The following FRYL variants were observed in gnomAD, a reference collection of about 807,000 sequenced individuals.
FRYL encodes FRY like transcription coactivator, also known as protein furry homolog-like.
Under a neutral mutation model 351.2 loss-of-function variants are expected in FRYL, and 150 were observed. The observed-to-expected ratio is 0.43, with a 90% CI of 0.37 to 0.49. The LOEUF (loss-of-function observed/expected upper bound fraction) is 0.49, where lower values mean the gene tolerates loss of function less well. FRYL is among the 20% of genes least tolerant of loss of function. FRYL has a pLI of 0.00. For missense variants in FRYL, 3,036 were observed against 3,619.3 expected, an observed-to-expected ratio of 0.84 and a Z score of 4.13; for synonymous variants, 1,153 against 1,257.1, an observed-to-expected ratio of 0.92 and a Z score of 1.75.
intron 2 of FRYL, among the ~76,000 whole-genome samples, chr4:48,709,651 T>C (rs552943773): frequency 6.6e-6 from 1 of 152,326 alleles, no homozygotes; most frequent in East Asian, 1.9e-4. Context: ...GTTGGGATTA[T>C]GAAACCACCA....
intron 2 of FRYL, among the ~76,000 whole-genome samples, chr4:48,700,815 TA>T (rs752255645): frequency 0.011 from 1,466 of 136,320 alleles, 14 homozygotes; most frequent in African/African-American, 0.029. Flanking sequence ...AAAATTAAAT[TA>T]AAAAAAAAAA....
intron 33 of FRYL, among the ~76,000 whole-genome samples, chr4:48,561,077 A>G (rs555021777): frequency 1.1e-3 from 161 of 152,340 alleles, no homozygotes; most frequent in African/African-American, 3.6e-3. Context: ...GCTCACGGAA[A>G]ACTGCCTATA....
chr4:48,773,179 T>G lies in FRYL; in HGVS notation c.-384+6899A>C, dbSNP rs578091026. Among the ~76,000 whole-genome samples, 54 of 152,330 alleles carry G rather than the reference T, an allele frequency of 3.5e-4. 1 individual carries two copies. Among genetic ancestry groups the G allele is most frequent in the Admixed American group, 6.5e-5 (1 of 15,306 alleles). ...GGTACATATAAATTACTTATCACAC[T>G]ACTTAGCAAGTAGTCAACAGATTAT... On this transcript the variant is annotated intron_variant, in intron 1 of 63. Coordinates refer to ENST00000358350, the MANE Select transcript of FRYL (RefSeq NM_015030.2).
intron 19 of FRYL, among the ~76,000 whole-genome samples, chr4:48,583,700 C>A (rs1161394384): frequency 6.6e-6 from 1 of 151,654 alleles, no homozygotes; most frequent in Non-Finnish European, 1.5e-5. Flanking sequence ...GTCGGGAGTT[C>A]GAGACCAGCC....
chr4:48,778,067 C>A (rs1560389364), intron 1 of FRYL, among the ~76,000 whole-genome samples: 1 of 152,148 alleles, frequency 6.6e-6, no homozygotes, highest in Non-Finnish European at 1.5e-5. Flanking sequence ...CGCAGTCGTG[C>A]CCACCTGTAG....
At chr4:48,639,484 G>T (rs555953637) in intron 3 of FRYL, among the ~76,000 whole-genome samples, 11 of 6,544 alleles carry the variant, frequency 1.7e-3, no homozygotes, top group African/African-American at 3.1e-3. Flanking sequence ...AAATCCACAT[G>T]TTAAAAAAAA....
chr4:48,673,147 ATG>A lies in FRYL; in HGVS notation c.-81+11524_-81+11525del, dbSNP rs769340215. Among the ~76,000 whole-genome samples the A allele has an allele frequency of 2.4e-4, 36 of 152,164 alleles. 1 individual carries two copies. The highest frequency in any genetic ancestry group is 5.9e-4 in the Admixed American group (9 of 15,284). ...TGTAATGAAATGGAACCAATACAAT[ATG>A]TGTCTCTTGTTTTGTAAAAGTCATG... is the stretch of plus-strand genomic sequence containing the variant. On this transcript the variant is annotated intron_variant, in intron 3 of 63. Transcript: ENST00000358350.
chr4:48,499,778 G>GA (rs1303584628), intron 63 of FRYL, 98 bp from the exon 64 acceptor site: 1 of 1,123,502 alleles, frequency 8.9e-7, no homozygotes, highest in East Asian at 2.4e-5. Context: ...ATTTCCTTGT[G>GA]AATAACATGA....
chr4:48,577,369 T>C (rs1195149229), intron 23 of FRYL, among the ~76,000 whole-genome samples: 1 of 152,198 alleles, frequency 6.6e-6, no homozygotes, highest in Non-Finnish European at 1.5e-5. Flanking sequence ...ACTAGTTTTG[T>C]AATATGTTAA....
chr4:48,667,835 A>G (rs1762001774), intron 3 of FRYL, among the ~76,000 whole-genome samples: 1 of 152,192 alleles, frequency 6.6e-6, no homozygotes, highest in African/African-American at 2.4e-5. Context: ...TTTAGTAGAG[A>G]CAGGATTTCA....
At chr4:48,512,746 C>G in intron 56 of FRYL, 58 bp from the exon 57 acceptor site, 1 of 1,278,818 alleles carries the variant, frequency 7.8e-7, no homozygotes, top group Non-Finnish European at 1.1e-6. Context: ...AGAATAGGCT[C>G]AATCACGTAA....
intron 13 of FRYL, among the ~76,000 whole-genome samples, chr4:48,599,617 C>T (rs1021507947): frequency 1.3e-5 from 2 of 152,110 alleles, no homozygotes; most frequent in African/African-American, 4.8e-5. Context: ...CCTTATACTA[C>T]CTTCAGAAGT....
At chr4:48,546,320 C>T in intron 41 of FRYL, 49 bp from the exon 42 acceptor site, 2 of 1,380,036 alleles carry the variant, frequency 1.4e-6, no homozygotes, top group African/African-American at 1.4e-5. Context: ...AAGAATCTCA[C>T]AAAATACCTA....
intron 33 of FRYL, among the ~76,000 whole-genome samples, chr4:48,558,712 C>A (rs552211079): frequency 7.1e-4 from 108 of 152,242 alleles, no homozygotes; most frequent in Non-Finnish European, 2.2e-4. Flanking sequence ...AGGGGAGATG[C>A]CTATGATGTG....
intron 3 of FRYL, among the ~76,000 whole-genome samples, chr4:48,661,575 A>C (rs1760725973): frequency 6.6e-6 from 1 of 152,228 alleles, no homozygotes; most frequent in Non-Finnish European, 1.5e-5. Context: ...AAGACTCCAA[A>C]ACAATCCTCT....
At chr4:48,747,427 T>C (rs1287461575) in intron 1 of FRYL, among the ~76,000 whole-genome samples, 3 of 152,212 alleles carry the variant, frequency 2.0e-5, no homozygotes, top group Admixed American at 6.5e-5. Context: ...GCAGGCATGA[T>C]AGAATATTAC....
intron 1 of FRYL, among the ~76,000 whole-genome samples, chr4:48,724,414 T>C (rs1436167837): frequency 1.3e-5 from 2 of 152,150 alleles, no homozygotes; most frequent in Non-Finnish European, 2.9e-5. Context: ...GTTCAGATCA[T>C]TGCAAATACT....
At position 48,529,109 on chromosome 4, in the gene FRYL, C is replaced by A. The variant is rs571764971; in HGVS notation, c.6904-773G>T. Reference sequence around the variant, plus strand: ...CAAACACACCATGCTCTTTTATAGACCCGTGTTTTAGCCTATGTTGCCCCT... The same window carrying A: ...CAAACACACCATGCTCTTTTATAGAACCGTGTTTTAGCCTATGTTGCCCCT... On this transcript the variant is annotated intron_variant, in intron 50 of 63. Transcript: ENST00000358350. 9.7e-4 allele frequency among the ~76,000 whole-genome samples: 148 copies of A among 152,280 alleles called. 4 individuals carry two copies. In the South Asian group the frequency reaches 0.029, roughly 30 times the overall value.
At chr4:48,550,909 T>C (rs1732588461) in intron 37 of FRYL, among the ~76,000 whole-genome samples, 1 of 152,060 alleles carries the variant, frequency 6.6e-6, no homozygotes, top group Non-Finnish European at 1.5e-5. Flanking sequence ...CCGTGTCTAC[T>C]AAAATACCAA....
Sources: allele counts gnomAD v4.1 joint callset (sites outside exome capture counted in the v4.1 genomes callset), GRCh38; gene constraint gnomAD v4.1.1; transcripts MANE v1.5; gene names NCBI Gene and HGNC (gene_info 2026-07-23, HGNC 2026-07-21).